DENND2A: variants seen among roughly 807,000 people sequenced by gnomAD.
The protein encoded by DENND2A is DENN domain containing 2A.
A neutral mutation model predicts 105.3 loss-of-function variants in DENND2A; 53 were observed. The observed-to-expected ratio is 0.50, with a 90% CI of 0.40 to 0.63. The LOEUF is 0.63. Ranked by LOEUF, DENND2A falls within the 30% of genes least tolerant of loss-of-function variation. The probability of loss-of-function intolerance (pLI) is 0.00; values close to 1 mark genes in which losing one functional copy is unlikely to be tolerated. For synonymous variants in DENND2A, 522 were observed against 508.4 expected, an observed-to-expected ratio of 1.03 and a Z score of -0.36; for missense variants, 1,138 against 1,279.6, an observed-to-expected ratio of 0.89 and a Z score of 1.69.
chr7:140,559,604 A>T lies in DENND2A; in HGVS notation c.1889+104T>A, dbSNP rs552061513. 4.9e-6 allele frequency: 4 copies of T among 814,516 alleles called. No individual in the cohort carries two copies. In the South Asian group the frequency reaches 6.4e-5, roughly 13 times the overall value. 50.5% of individuals were successfully genotyped at this position (814,516 alleles called of 1,614,324 possible). On this transcript the variant is annotated intron_variant, in intron 10 of 19. Coordinates refer to ENST00000496613, the MANE Select transcript of DENND2A (RefSeq NM_015689.5). The surrounding 1 kb of genome is among the most constrained non-coding windows in gnomAD (Gnocchi z 4.1). ...AAAGCTCTAGGCCAGGCCCATCAGG[A>T]TTACTTAACGGTGGGAATGACTCAT...
intron 1 of DENND2A, among the ~76,000 whole-genome samples, chr7:140,626,650 T>C (rs1800543970): frequency 6.6e-6 from 1 of 152,206 alleles, no homozygotes; most frequent in African/African-American, 2.4e-5. Context: ...TGTCCTCCTC[T>C]TCCTTTCCTC....
rs200901456 is a variant in DENND2A, at chr7:140,525,732, C to T, written c.2547+19G>A. The T allele has an allele frequency of 5.7e-4, 907 of 1,600,842 alleles. 5 individuals carry two copies. In the African/African-American group the frequency reaches 0.01, roughly 18 times the overall value. On this transcript the variant is annotated intron_variant, in intron 16 of 19. Coordinates refer to ENST00000496613, the MANE Select transcript of DENND2A (RefSeq NM_015689.5). ...GGTAAAGACAAAGGGAGCAGGAGGC[C>T]GTCGCTGGCCTCACTCACCTGTCTG...
chr7:140,528,237 T>C (rs1187707150), intron 14 of DENND2A, among the ~76,000 whole-genome samples: 1 of 152,222 alleles, frequency 6.6e-6, no homozygotes, highest in Non-Finnish European at 1.5e-5. Flanking sequence ...TATTTTCTCA[T>C]GAATGCTCCT....
chr7:140,521,823 G>T, intron 18 of DENND2A, 32 bp downstream of exon 18: 1 of 1,610,042 alleles, frequency 6.2e-7, no homozygotes, highest in South Asian at 1.1e-5. Context: ...AGCTCTAGCT[G>T]ACTCGGCCCC....
At chr7:140,568,206 C>G (rs1009096573) in intron 8 of DENND2A, among the ~76,000 whole-genome samples, 9 of 152,190 alleles carry the variant, frequency 5.9e-5, no homozygotes, top group Non-Finnish European at 1.0e-4. Context: ...TCCTAAAGTG[C>G]TGGGATTACA....
chr7:140,583,049 T>C (rs1472623024), intron 5 of DENND2A, among the ~76,000 whole-genome samples: 4 of 152,054 alleles, frequency 2.6e-5, no homozygotes, highest in Admixed American at 1.3e-4. Flanking sequence ...CTCAACACTT[T>C]GGGAGGCTGA....
chr7:140,526,272 A>G (rs1796052644), intron 15 of DENND2A, among the ~76,000 whole-genome samples: 1 of 152,150 alleles, frequency 6.6e-6, no homozygotes, highest in Non-Finnish European at 1.5e-5. Flanking sequence ...TCACTGCTGA[A>G]GGCTTTCAGG....
intron 12 of DENND2A, among the ~76,000 whole-genome samples, chr7:140,550,948 TG>T (rs1470137997): frequency 4.0e-5 from 6 of 151,820 alleles, no homozygotes; most frequent in South Asian, 2.1e-4. Flanking sequence ...AAAAGAATTT[TG>T]GGGGAGACAG....
intron 5 of DENND2A, among the ~76,000 whole-genome samples, chr7:140,583,324 C>T (rs1291435476): frequency 6.7e-6 from 1 of 149,616 alleles, no homozygotes; most frequent in Non-Finnish European, 1.5e-5. Context: ...AACAAACAAA[C>T]AAGCAAACAA....
intron 9 of DENND2A, among the ~76,000 whole-genome samples, chr7:140,566,790 G>A (rs1434813475): frequency 2.0e-5 from 3 of 148,244 alleles, no homozygotes; most frequent in Non-Finnish European, 3.0e-5. Flanking sequence ...GGGTTCAAGC[G>A]ATTCTCCTGT....
chr7:140,524,528 G>A (rs992288523), intron 16 of DENND2A, among the ~76,000 whole-genome samples: 2 of 151,796 alleles, frequency 1.3e-5, no homozygotes, highest in African/African-American at 2.4e-5. Context: ...ACGTGCGTGC[G>A]CGCACACACG....
intron 14 of DENND2A, among the ~76,000 whole-genome samples, chr7:140,538,607 A>G (rs1796533716): frequency 6.6e-6 from 1 of 151,910 alleles, no homozygotes; most frequent in Admixed American, 6.6e-5. Flanking sequence ...CCCAGGTTTA[A>G]GTGATTCTCC....
At chr7:140,582,257 G>A (rs1162597771) in intron 5 of DENND2A, among the ~76,000 whole-genome samples, 6 of 152,162 alleles carry the variant, frequency 3.9e-5, no homozygotes, top group South Asian at 4.2e-4. Context: ...GAGCCACCGC[G>A]CTTGGCCTGG....
chr7:140,612,064 AC>A (rs1388217558), intron 1 of DENND2A, among the ~76,000 whole-genome samples: 2 of 151,952 alleles, frequency 1.3e-5, no homozygotes, highest in Non-Finnish European at 2.9e-5. Context: ...AAATGGTGAA[AC>A]CCCGTCTCTA....
At chr7:140,599,596 A>G (rs1799407375) in intron 3 of DENND2A, among the ~76,000 whole-genome samples, 1 of 152,084 alleles carries the variant, frequency 6.6e-6, no homozygotes, top group Admixed American at 6.5e-5. Context: ...TGCTTGTCCA[A>G]TGTCCCACAG....
chr7:140,618,647 G>A (rs1252884760), intron 1 of DENND2A, among the ~76,000 whole-genome samples: 3 of 152,240 alleles, frequency 2.0e-5, no homozygotes, highest in South Asian at 2.1e-4. Context: ...TCATCATTAC[G>A]AATGTCTGTC....
At chr7:140,540,978 A>G (rs1027081380) in intron 14 of DENND2A, among the ~76,000 whole-genome samples, 6 of 152,090 alleles carry the variant, frequency 3.9e-5, no homozygotes, top group Admixed American at 3.9e-4. Context: ...TCGGCCTCCC[A>G]AAGTGCTGGG....
chr7:140,530,197 A>G (rs558072202), intron 14 of DENND2A, among the ~76,000 whole-genome samples: 3 of 152,304 alleles, frequency 2.0e-5, no homozygotes, highest in African/African-American at 7.2e-5. Flanking sequence ...GCACTCCAGC[A>G]TGGATGACAG....
intron 14 of DENND2A, among the ~76,000 whole-genome samples, chr7:140,529,486 C>T (rs911684820): frequency 2.6e-5 from 4 of 152,166 alleles, no homozygotes; most frequent in Admixed American, 2.6e-4. Flanking sequence ...CTATAAAGGC[C>T]TGTGCCCACG....
Sources: gnomAD v4.1 joint callset for allele counts (sites outside exome capture counted in the v4.1 genomes callset) on GRCh38, gnomAD v4.1.1 for gene constraint, Gnocchi (gnomAD v3.1) non-coding constraint, MANE v1.5 for transcripts, NCBI Gene and HGNC (gene_info 2026-07-23, HGNC 2026-07-21) for gene names.